The following FADS2 variants were observed in gnomAD, a reference collection of about 807,000 sequenced individuals.
FADS2 encodes the protein fatty acid desaturase 2.
A neutral mutation model predicts 61.2 loss-of-function variants in FADS2; 18 were observed. The observed-to-expected ratio is 0.29, with a 90% CI of 0.20 to 0.44. The LOEUF is 0.44. FADS2 is among the 20% of genes least tolerant of loss of function. The pLI is 1.00. For synonymous variants in FADS2, 203 were observed against 223.9 expected, an observed-to-expected ratio of 0.91 and a Z score of 0.83; for missense variants, 322 against 572.7, an observed-to-expected ratio of 0.56 and a Z score of 4.47.
At chr11:61,854,333 C>T (rs577823673) in intron 5 of FADS2, 7 of 152,410 alleles carry the variant, frequency 4.6e-5, no homozygotes, top group Admixed American at 1.3e-4. Flanking sequence ...GCGTGCACAA[C>T]GTCACTTAAT....
At chr11:61,818,265 G>C (rs1476274319) in intron 1 of FADS2, among the ~76,000 whole-genome samples, 1 of 152,056 alleles carries the variant, frequency 6.6e-6, no homozygotes, top group Non-Finnish European at 1.5e-5. Context: ...ATGGGGAAGG[G>C]GCTTACCAAG....
intron 2 of FADS2, among the ~76,000 whole-genome samples, chr11:61,839,914 A>G (rs567646675): frequency 2.0e-5 from 3 of 152,362 alleles, no homozygotes; most frequent in African/African-American, 7.2e-5. Context: ...AAGTTCACTC[A>G]CATTGTAGCA....
At chr11:61,862,725 C>T (rs931300548) in intron 7 of FADS2, 3 of 521,514 alleles carry the variant, frequency 5.8e-6, no homozygotes, top group Non-Finnish European at 1.0e-5. Context: ...CAGGAGGGTC[C>T]GTTTCTCTCC....
Position 61,865,892 on chromosome 11 carries a change from C to A in FADS2, c.*203C>A. On this transcript the variant is annotated 3_prime_UTR_variant, in exon 12 of 12. Transcript: ENST00000278840. The surrounding 1 kb of genome is among the most constrained non-coding windows in gnomAD (Gnocchi z 4.1). ...ACCCTGCCCTCATGGGACCTGCCCTCCCTCAGCCGTCAGCCATCAGCCATG... is the reference window on the plus strand; with the variant it reads ...ACCCTGCCCTCATGGGACCTGCCCTACCTCAGCCGTCAGCCATCAGCCATG... The A allele has an allele frequency of 1.7e-6, 1 of 572,346 alleles. No homozygotes were observed. Among genetic ancestry groups the A allele is most frequent in the Non-Finnish European group, 3.1e-6 (1 of 320,656 alleles). The allele number at this position is 572,346 out of a possible 1,614,324, so 35.5% of individuals were successfully genotyped here.
chr11:61,841,554 AAAAG>A (rs981631245), intron 4 of FADS2, among the ~76,000 whole-genome samples: 9 of 151,802 alleles, frequency 5.9e-5, no homozygotes, highest in African/African-American at 2.2e-4. Context: ...AAAAAAAAGA[AAAAG>A]AAACACATTG....
chr11:61,853,276 T>TCCCC (rs1420804206), intron 5 of FADS2, among the ~76,000 whole-genome samples: 1 of 64,548 alleles, frequency 1.5e-5, no homozygotes, highest in Non-Finnish European at 2.9e-5. Flanking sequence ...CCTCCCTCCC[T>TCCCC]TCCCTCCCTC....
intron 9 of FADS2, 27 bp downstream of exon 9, chr11:61,863,405 A>C (rs1362658018): frequency 6.6e-7 from 1 of 1,518,546 alleles, no homozygotes. Flanking sequence ...CGGTCACCAG[A>C]GCCTGGTCCC....
At chr11:61,850,343 C>A (rs181041689) in intron 5 of FADS2, among the ~76,000 whole-genome samples, 35 of 152,260 alleles carry the variant, frequency 2.3e-4, no homozygotes, top group African/African-American at 8.2e-4. Context: ...CTCCACCTCC[C>A]AGGTTCAAGT....
At chr11:61,835,651 C>T (rs931993045) in intron 1 of FADS2, among the ~76,000 whole-genome samples, 2 of 151,826 alleles carry the variant, frequency 1.3e-5, no homozygotes, top group Admixed American at 6.6e-5. Flanking sequence ...GGCAATCCGC[C>T]GCCTCGGCCT....
intron 1 of FADS2, among the ~76,000 whole-genome samples, chr11:61,823,136 C>T (rs541969026): frequency 1.3e-5 from 2 of 152,340 alleles, no homozygotes; most frequent in Admixed American, 1.3e-4. Flanking sequence ...TACCTCTCCA[C>T]CAATACTATG....
At chr11:61,826,655 A>G (rs1215959079), upstream of FADS2, 2 of 528,146 alleles carry the variant, frequency 3.8e-6, no homozygotes, top group Non-Finnish European at 6.8e-6. Flanking sequence ...CTCACACTCA[A>G]AGACAGAGAG....
intron 5 of FADS2, 23 bp from the exon 6 acceptor site, chr11:61,856,988 C>T (rs1031539998): frequency 1.2e-6 from 2 of 1,608,340 alleles, no homozygotes; most frequent in Non-Finnish European, 1.7e-6. Context: ...ACTGGGTGCT[C>T]ATGATCTCTC....
rs760437472 is a variant in FADS2 at position 61,816,279 on chromosome 11, A to C, written c.-7A>C. On this transcript the variant is annotated 5_prime_UTR_variant, in exon 1 of 12. Coordinates refer to the FADS2 transcript ENST00000257261. The surrounding 1 kb of genome is among the most constrained non-coding windows in gnomAD (Gnocchi z 7.0). ...CCAGAGACCTGAGGCTCGGGGCTGC[A>C]GATGGAATGCACGGCAGGGAGGCGG... The C allele has an allele frequency of 2.5e-6, 4 of 1,598,288 alleles. No homozygotes were observed. The South Asian group carries it at 4.4e-5, about 18-fold the overall frequency.
At position 61,828,755 on chromosome 11, in the gene FADS2, A is replaced by C; in HGVS notation, c.207+158A>C. 6 of 637,158 alleles carry C rather than the reference A, an allele frequency of 9.4e-6. No homozygotes were observed. The highest frequency in any genetic ancestry group is 1.6e-5 in the Non-Finnish European group (6 of 373,686). The allele number at this position is 637,158 out of a possible 1,614,324, so 39.5% of individuals were successfully genotyped here. On this transcript the variant is annotated intron_variant, in intron 1 of 11. Coordinates refer to ENST00000278840, the MANE Select transcript of FADS2 (RefSeq NM_004265.4). The surrounding 1 kb of genome is among the most constrained non-coding windows in gnomAD (Gnocchi z 6.4). ...CTATTGCACTCGTACCCCCTCCCCAATCCTCCTCCTCCTCTGGGCCGACTG... is the reference window on the plus strand; with the variant it reads ...CTATTGCACTCGTACCCCCTCCCCACTCCTCCTCCTCCTCTGGGCCGACTG...
upstream of FADS2, among the ~76,000 whole-genome samples, chr11:61,824,657 A>G (rs2067068390): frequency 6.6e-6 from 1 of 152,004 alleles, no homozygotes; most frequent in Admixed American, 6.6e-5. Context: ...ACTTCCCACA[A>G]AAAGGAACAG....
At chr11:61,838,057 C>A (rs1189056256) in intron 2 of FADS2, among the ~76,000 whole-genome samples, 169 bp downstream of exon 2, 1 of 152,120 alleles carries the variant, frequency 6.6e-6, no homozygotes, top group Non-Finnish European at 1.5e-5. Context: ...GCCTCAGAGC[C>A]TCCCTGGGAG....
chr11:61,825,719 C>T (rs2067079327), upstream of FADS2, among the ~76,000 whole-genome samples: 2 of 151,606 alleles, frequency 1.3e-5, no homozygotes, highest in East Asian at 1.9e-4. Flanking sequence ...GGTGAAACCC[C>T]GTCTCTACTA....
At chr11:61,848,360 G>A (rs1437637177) in intron 5 of FADS2, 76 bp downstream of exon 5, 3 of 1,597,278 alleles carry the variant, frequency 1.9e-6, no homozygotes, top group Non-Finnish European at 2.6e-6. Flanking sequence ...GTACAACTAA[G>A]GAGATGGTGT....
At chr11:61,844,126 G>A (rs61897794) in intron 4 of FADS2, among the ~76,000 whole-genome samples, 1 of 151,774 alleles carries the variant, frequency 6.6e-6, no homozygotes, top group Admixed American at 6.6e-5. Context: ...TTTTTCCAGA[G>A]GATTAAAGTA....
Sources: gnomAD v4.1 joint callset for allele counts (sites outside exome capture counted in the v4.1 genomes callset) on GRCh38, gnomAD v4.1.1 for gene constraint, Gnocchi (gnomAD v3.1) non-coding constraint, MANE v1.5 for transcripts, NCBI Gene and HGNC (gene_info 2026-07-23, HGNC 2026-07-21) for gene names.